HCN1: variants seen among roughly 807,000 people sequenced by gnomAD.
HCN1 encodes the protein potassium/sodium hyperpolarization-activated cyclic nucleotide-gated channel 1.
A neutral mutation model predicts 78.9 loss-of-function variants in HCN1; 13 were observed. The observed-to-expected ratio is 0.16, with a 90% CI of 0.11 to 0.26. The LOEUF (loss-of-function observed/expected upper bound fraction) is 0.26, where lower values mean the gene tolerates loss of function less well. Among genes scored for constraint, HCN1 ranks in the 10% least tolerant of loss-of-function variants. The pLI, the probability that HCN1 is intolerant of heterozygous loss-of-function variation, is 1.00. For missense variants in HCN1, 810 were observed against 1,154.3 expected, an observed-to-expected ratio of 0.70 and a Z score of 4.32; for synonymous variants, 552 against 455.5, an observed-to-expected ratio of 1.21 and a Z score of -2.70.
chr5:45,322,364 CACAATGATGATATTCA>C (rs1327012881), intron 5 of HCN1, among the ~76,000 whole-genome samples: 1 of 151,728 alleles, frequency 6.6e-6, no homozygotes, highest in East Asian at 1.9e-4. Flanking sequence ...GTATAATGAC[CACAATGATGATATTCA>C]CTAATATTTA....
intron 1 of HCN1, among the ~76,000 whole-genome samples, chr5:45,672,780 CCT>C (rs1169856544): frequency 6.6e-6 from 1 of 151,026 alleles, no homozygotes; most frequent in East Asian, 1.9e-4. Context: ...TTAATTCTGC[CCT>C]GAGTCTTTCG....
At chr5:45,504,402 A>G (rs1437781580) in intron 2 of HCN1, among the ~76,000 whole-genome samples, 3 of 152,110 alleles carry the variant, frequency 2.0e-5, no homozygotes, top group African/African-American at 7.2e-5. Flanking sequence ...TTTCCAGCTC[A>G]TCCATGTCCC....
At chr5:45,310,260 G>C (rs1745823589) in intron 5 of HCN1, among the ~76,000 whole-genome samples, 1 of 151,836 alleles carries the variant, frequency 6.6e-6, no homozygotes, top group South Asian at 2.1e-4. Context: ...TTTGTAAACT[G>C]TGTATCTGAC....
chr5:45,394,750 A>G lies in HCN1; in HGVS notation c.1230+1742T>C, dbSNP rs528029395. Among the ~76,000 whole-genome samples the G allele has an allele frequency of 4.9e-4, 74 of 152,154 alleles. 1 individual carries two copies. Among genetic ancestry groups the G allele is most frequent in the African/African-American group, 1.8e-3 (73 of 41,534 alleles). ...AGAATCATTTGAACCCCGAAGGTAG[A>G]GGTTGTAGTGAGCTGAGATTGCACC... is the stretch of plus-strand genomic sequence containing the variant. On this transcript the variant is annotated intron_variant, in intron 4 of 7. Transcript: ENST00000303230.
intron 2 of HCN1, among the ~76,000 whole-genome samples, chr5:45,568,710 A>G (rs1229207030): frequency 6.6e-6 from 1 of 152,152 alleles, no homozygotes; most frequent in Non-Finnish European, 1.5e-5. Context: ...TTAAAATCTT[A>G]GAAGTGTCAT....
intron 7 of HCN1, among the ~76,000 whole-genome samples, chr5:45,263,118 TTG>T (rs1561079662): frequency 6.6e-6 from 1 of 152,174 alleles, no homozygotes; most frequent in Non-Finnish European, 1.5e-5. Context: ...GAAAGGGCTT[TTG>T]GAATAGGATG....
intron 2 of HCN1, among the ~76,000 whole-genome samples, chr5:45,605,169 G>A (rs749091341): frequency 1.4e-4 from 21 of 151,912 alleles, no homozygotes; most frequent in Non-Finnish European, 2.8e-4. Flanking sequence ...TTTGAGACCA[G>A]TGTTTGAAGT....
intron 6 of HCN1, among the ~76,000 whole-genome samples, chr5:45,293,377 C>A (rs547554561): frequency 7.2e-5 from 11 of 151,948 alleles, no homozygotes; most frequent in Non-Finnish European, 1.0e-4. Context: ...GTGGTATACA[C>A]CTGTAGTCCC....
intron 6 of HCN1, among the ~76,000 whole-genome samples, chr5:45,288,738 G>T (rs1405076340): frequency 6.6e-6 from 1 of 152,056 alleles, no homozygotes; most frequent in African/African-American, 2.4e-5. Context: ...GTTGCATGTG[G>T]TGCATAGTTT....
chr5:45,421,468 G>A lies in HCN1; in HGVS notation c.1012-24758C>T, dbSNP rs1740226953. On this transcript the variant is annotated intron_variant, in intron 3 of 7. Coordinates refer to ENST00000303230, the MANE Select transcript of HCN1 (RefSeq NM_021072.4). ...AACTACAGCAATAAGCAACTATATG[G>A]ATTAATATGTCAACAAAATAATGAG... Among the ~76,000 whole-genome samples, 2 of 151,996 alleles carry A rather than the reference G, an allele frequency of 1.3e-5. 1 individual carries two copies. Among genetic ancestry groups the A allele is most frequent in the Non-Finnish European group, 2.9e-5 (2 of 68,004 alleles).
chr5:45,461,356 T>C (rs1244608430), intron 3 of HCN1, among the ~76,000 whole-genome samples: 3 of 152,138 alleles, frequency 2.0e-5, no homozygotes, highest in African/African-American at 7.2e-5. Context: ...TTTTCCTTAT[T>C]TTCCTTAGCA....
At chr5:45,312,869 A>C (rs954002569) in intron 5 of HCN1, among the ~76,000 whole-genome samples, 1 of 152,142 alleles carries the variant, frequency 6.6e-6, no homozygotes, top group Non-Finnish European at 1.5e-5. Flanking sequence ...AGCAGCCTGG[A>C]GGCTCGACCT....
At chr5:45,318,024 A>G (rs554721653) in intron 5 of HCN1, among the ~76,000 whole-genome samples, 2 of 152,324 alleles carry the variant, frequency 1.3e-5, no homozygotes, top group East Asian at 3.9e-4. Context: ...TCAAGCATCT[A>G]GAATTAGAAA....
intron 3 of HCN1, among the ~76,000 whole-genome samples, chr5:45,419,933 A>G (rs1020175750): frequency 6.6e-6 from 1 of 152,150 alleles, no homozygotes; most frequent in Admixed American, 6.5e-5. Flanking sequence ...CTTAAGAGTG[A>G]CATCTGTTCT....
At position 45,465,335 on chromosome 5, in the gene HCN1, G is replaced by C. The variant is rs571344402; in HGVS notation, c.850-3328C>G. Among the ~76,000 whole-genome samples the C allele has an allele frequency of 2.0e-5, 3 of 152,218 alleles. No individual in the cohort carries two copies. In the East Asian group the frequency reaches 5.8e-4, roughly 29 times the overall value. On this transcript the variant is annotated intron_variant, in intron 2 of 7. Transcript: ENST00000303230. ...TGACTTGAAACCTAACCTCAGGTTA[G>C]GGTAACAGGGTAAGAGGGCTCAGGG...
intron 2 of HCN1, among the ~76,000 whole-genome samples, chr5:45,509,292 T>C (rs966900933): frequency 6.6e-6 from 1 of 152,100 alleles, no homozygotes; most frequent in Non-Finnish European, 1.5e-5. Flanking sequence ...GTTAGACACA[T>C]TTATGCTCTT....
chr5:45,560,122 C>CG (rs1743564724), intron 2 of HCN1: 1 of 152,082 alleles, frequency 6.6e-6, no homozygotes, highest in African/African-American at 2.4e-5. Context: ...ATATACCAAA[C>CG]TGATACAAAT....
At chr5:45,385,358 T>G (rs1206943579) in intron 4 of HCN1, among the ~76,000 whole-genome samples, 2 of 152,154 alleles carry the variant, frequency 1.3e-5, no homozygotes, top group African/African-American at 4.8e-5. Flanking sequence ...CATTCGATTT[T>G]TTTTAATTAA....
chr5:45,688,528 T>G (rs1479566165), intron 1 of HCN1, among the ~76,000 whole-genome samples: 1 of 152,120 alleles, frequency 6.6e-6, no homozygotes, highest in Non-Finnish European at 1.5e-5. Context: ...CATCTGAATT[T>G]ATTAACTCTA....
Sources: allele counts gnomAD v4.1 joint callset (sites outside exome capture counted in the v4.1 genomes callset), GRCh38; gene constraint gnomAD v4.1.1; transcripts MANE v1.5; gene names NCBI Gene and HGNC (gene_info 2026-07-23, HGNC 2026-07-21).